BRCA2: variants seen among roughly 807,000 people sequenced by gnomAD.
BRCA2 encodes the protein breast cancer type 2 susceptibility protein.
In BRCA2, 203 loss-of-function variants were observed where a neutral mutation model predicts 276.7. The observed-to-expected ratio is 0.73, with a 90% CI of 0.65 to 0.82. The LOEUF (loss-of-function observed/expected upper bound fraction) is 0.82. BRCA2 is among the 40% of genes least tolerant of loss of function. The pLI, the probability that BRCA2 is intolerant of heterozygous loss-of-function variation, is 0.00. For missense variants in BRCA2, 3,920 were observed against 3,915.0 expected (o/e 1.00, Z -0.03); for synonymous variants, 1,289 against 1,338.4 (o/e 0.96, Z 0.81).
In BRCA2 at chr13:32,333,363, CTTACATT is replaced by C. The variant is rs1555282146; in HGVS notation, c.1887_1893del (p.Thr630GlnfsTer12). ...TGAAGCAAATGCTTTTGAAGCACCA[CTTACATT>C]TGCAAATGCTGATTCAGGTACCTCT... is the stretch of plus-strand genomic sequence containing the variant. On this transcript the variant is annotated frameshift_variant, in exon 10 of 27. Transcript: ENST00000380152. LOFTEE classifies it high-confidence loss of function. 6.2e-7 allele frequency: 1 copy of C among 1,608,970 alleles called. No homozygotes were observed. The highest frequency in any genetic ancestry group is 1.3e-5 in the African/African-American group (1 of 74,610).
intron 15 of BRCA2, 101 bp downstream of exon 15, chr13:32,356,710 T>C (rs1473520002): frequency 6.0e-6 from 8 of 1,334,180 alleles, no homozygotes; most frequent in African/African-American, 5.8e-5. Flanking sequence ...ATGAACACAT[T>C]AGTGCAGGAA....
Position 32,398,673 on chromosome 13 carries a change from C to T in BRCA2, c.10160C>T (p.Thr3387Ile), listed in dbSNP as rs863224584. ...EDYLRLKRRC[T>I]TSLIKEQESS... ...TATCTCAGACTGAAACGACGTTGTA[C>T]TACATCTCTGATCAAAGAACAGGAG... The change falls in exon 27 of 27, where the codon ACT (threonine) becomes ATT (isoleucine). Residue 3387 changes from threonine to isoleucine, a missense_variant. Physicochemically the swap from Thr to Ile is moderately conservative, Grantham distance 89. Around this residue, in one of 2 missense-constraint regions of BRCA2, gnomAD observed 657 missense variants for 758.2 expected, o/e 0.87. Coordinates refer to ENST00000380152, the MANE Select transcript of BRCA2 (RefSeq NM_000059.4). 1 of 1,614,174 alleles carries T rather than the reference C, an allele frequency of 6.2e-7. No homozygotes were observed. Among genetic ancestry groups the T allele is most frequent in the African/African-American group, 1.3e-5 (1 of 75,054 alleles).
intron 20 of BRCA2, among the ~76,000 whole-genome samples, chr13:32,373,390 C>T (rs2072848541): frequency 6.6e-6 from 1 of 151,778 alleles, no homozygotes; most frequent in African/African-American, 2.4e-5. Flanking sequence ...TCTGTAATCC[C>T]AGCTATTCCA....
chr13:32,318,787 A>G (rs910016151), intron 2 of BRCA2, among the ~76,000 whole-genome samples: 3 of 152,198 alleles, frequency 2.0e-5, no homozygotes, highest in Non-Finnish European at 4.4e-5. Context: ...TTGATTCCGA[A>G]CCATGAATAA....
chr13:32,343,405 T>C (rs1449400286), intron 11 of BRCA2, among the ~76,000 whole-genome samples: 3 of 152,182 alleles, frequency 2.0e-5, no homozygotes, highest in Non-Finnish European at 2.9e-5. Flanking sequence ...CTAGACCCCA[T>C]GTATTACAGA....
chr13:32,349,865 C>T (rs1456507045), intron 13 of BRCA2, among the ~76,000 whole-genome samples: 1 of 149,134 alleles, frequency 6.7e-6, no homozygotes. Context: ...AGCTGGGCAA[C>T]TGTCTCCTGC....
In BRCA2 at chr13:32,338,490, C is replaced by G. The variant is rs2072497088; in HGVS notation, c.4135C>G (p.Gln1379Glu). The G allele has an allele frequency of 6.2e-7, 1 of 1,610,104 alleles. No homozygotes were observed. The highest frequency in any genetic ancestry group is 8.5e-7 in the Non-Finnish European group (1 of 1,178,908). The change falls in exon 11 of 27, where the codon CAG becomes GAG. Residue 1379 changes from glutamine to glutamate, a missense_variant. Coordinates refer to ENST00000380152, the MANE Select transcript of BRCA2 (RefSeq NM_000059.4). ...CCAGTTTATGAAGGAGGGAAACACT[C>G]AGATTAAAGAAGATTTGTCAGATTT... ...SGQFMKEGNT[Q>E]IKEDLSDLTF...
At chr13:32,378,737 G>C (rs776902705) in intron 21 of BRCA2, among the ~76,000 whole-genome samples, 1 of 152,178 alleles carries the variant, frequency 6.6e-6, no homozygotes, top group Non-Finnish European at 1.5e-5. Context: ...AGAGGTACAA[G>C]TAGAAATTTG....
intron 20 of BRCA2, among the ~76,000 whole-genome samples, chr13:32,371,689 CATAA>C (rs1202372916): frequency 6.6e-6 from 1 of 151,962 alleles, no homozygotes; most frequent in Admixed American, 6.6e-5. Context: ...ATACTATTTT[CATAA>C]ATAAATGAAT....
In BRCA2 at chr13:32,399,696, A is replaced by G. The variant is rs562124756; in HGVS notation, c.*926A>G. On this transcript the variant is annotated 3_prime_UTR_variant, in exon 27 of 27. Transcript: ENST00000380152. ...TTCTGCCTGCTTTATTTTTAGCGCT[A>G]TCACAGGACCCAGAGCCTATGCCCT... 4 of 172,450 alleles carry G rather than the reference A, an allele frequency of 2.3e-5. No homozygotes were observed. The highest frequency in any genetic ancestry group is 1.0e-4 in the East Asian group (1 of 9,702). 10.7% of individuals were successfully genotyped at this position (172,450 alleles called of 1,614,324 possible). A position where few individuals can be genotyped will look rare whatever the true frequency, so the allele number is the denominator to read the frequency against.
rs781732299 is a variant in BRCA2 at position 32,340,306 on chromosome 13, A to G, written c.5951A>G (p.Lys1984Arg). 6.2e-7 allele frequency: 1 copy of G among 1,614,014 alleles called. No individual in the cohort carries two copies. The highest frequency in any genetic ancestry group is 2.2e-5 in the East Asian group (1 of 44,844). The change falls in exon 11 of 27, where the codon AAA becomes AGA. Residue 1984 changes from lysine to arginine, a missense_variant. Coordinates refer to ENST00000380152, the MANE Select transcript of BRCA2 (RefSeq NM_000059.4). Reference sequence around the variant, plus strand: ...GGGATTTTTAGCACAGCAAGTGGAAAATCTGTCCAGGTATCAGATGCTTCA... The same window carrying G: ...GGGATTTTTAGCACAGCAAGTGGAAGATCTGTCCAGGTATCAGATGCTTCA... The part of the protein sequence containing the change: ...TCGIFSTASG[K>R]SVQVSDASLQ...
At chr13:32,341,321 C>G (rs752907789) in intron 11 of BRCA2, 125 bp downstream of exon 11, 15 of 1,362,050 alleles carry the variant, frequency 1.1e-5, no homozygotes, top group Non-Finnish European at 1.5e-5. Context: ...TTTGTGTAGT[C>G]AGTTTGGGGG....
chr13:32,337,952 CTG>C lies in BRCA2; in HGVS notation c.3599_3600del (p.Cys1200Ter), dbSNP rs80359391. On this transcript the variant is annotated frameshift_variant, in exon 11 of 27. Coordinates refer to ENST00000380152, the MANE Select transcript of BRCA2 (RefSeq NM_000059.4). LOFTEE classifies it high-confidence loss of function. ...AGTTTGCTGGCCTGTTGAAAAATGACTGTAACAAAAGTGCTTCTGGTTATTTA... is the reference window on the plus strand; with the variant it reads ...AGTTTGCTGGCCTGTTGAAAAATGACTAACAAAAGTGCTTCTGGTTATTTA... ...RKFAGLLKND[C>X]NKSASGYLTD... The C allele has an allele frequency of 1.4e-5, 23 of 1,613,994 alleles. No individual in the cohort carries two copies. The highest frequency in any genetic ancestry group is 1.6e-4 in the Middle Eastern group (1 of 6,062).
Position 32,329,497 on chromosome 13 carries a change from G to C in BRCA2, c.681+5G>C, listed in dbSNP as rs1555281364. The C allele has an allele frequency of 6.3e-7, 1 of 1,588,744 alleles. No homozygotes were observed. Among genetic ancestry groups the C allele is most frequent in the Non-Finnish European group, 8.6e-7 (1 of 1,159,260 alleles). On this transcript the variant is annotated splice_donor_5th_base_variant and intron_variant, in intron 8 of 26. Coordinates refer to ENST00000380152, the MANE Select transcript of BRCA2 (RefSeq NM_000059.4). The stretch of plus-strand genomic sequence containing the variant: ...TTTCCTCATGATACTACTGCTGTAA[G>C]TAAATATGACATTGATTAGACTGTT...
chr13:32,328,494 A>G (rs530701104), intron 7 of BRCA2, among the ~76,000 whole-genome samples: 1 of 152,070 alleles, frequency 6.6e-6, no homozygotes, highest in Non-Finnish European at 1.5e-5. Context: ...CGTTTGTCTC[A>G]GCCACATTTT....
rs9595456 is a variant in BRCA2 at position 32,394,606 on chromosome 13, G to A, written c.9257-83G>A. On this transcript the variant is annotated intron_variant, in intron 24 of 26. Coordinates refer to ENST00000380152, the MANE Select transcript of BRCA2 (RefSeq NM_000059.4). ...TATTAGCATATACCAAAATAAATAGGCATATTAGAGTTTCCTTTCTTGCAT... is the reference window on the plus strand; with the variant it reads ...TATTAGCATATACCAAAATAAATAGACATATTAGAGTTTCCTTTCTTGCAT... 16,045 of 1,473,682 alleles carry A rather than the reference G, an allele frequency of 0.011. 757 individuals are homozygous for A. The African/African-American group carries it at 0.13, about 11-fold the overall frequency. 91.3% of individuals were successfully genotyped at this position (1,473,682 alleles called of 1,614,324 possible). A position where few individuals can be genotyped will look rare whatever the true frequency, so the allele number is the denominator to read the frequency against.
rs773973434 is a variant in BRCA2 at position 32,339,404 on chromosome 13, G to T, written c.5049G>T (p.Gln1683His). Residue 1683 changes from glutamine to histidine, a missense_variant, in exon 11 of 27, where the codon CAG becomes CAT. This residue lies in a region of BRCA2 where 3,263 missense variants were observed against 3,156.9 expected (regional missense o/e 1.03). Transcript: ENST00000380152. ...TSCSRKTSVSQTSLLEAKKWL... is the reference protein window; with the variant it reads ...TSCSRKTSVSHTSLLEAKKWL... ...GTAGTAGAAAAACTTCTGTGAGTCA[G>T]ACTTCATTACTTGAAGCAAAAAAAT... 1 of 1,595,932 alleles carries T rather than the reference G, an allele frequency of 6.3e-7. No individual in the cohort carries two copies. Among genetic ancestry groups the T allele is most frequent in the South Asian group, 1.1e-5 (1 of 87,118 alleles).
chr13:32,333,103 T>C lies in BRCA2; in HGVS notation c.1625T>C (p.Ile542Thr), dbSNP rs397507273. The C allele has an allele frequency of 3.7e-6, 6 of 1,613,872 alleles. No homozygotes were observed. Among genetic ancestry groups the C allele is most frequent in the East Asian group, 2.2e-5 (1 of 44,876 alleles). ...ETEASESGLE[I>T]HTVCSQKEDS... ...GAAGCCTCTGAAAGTGGACTGGAAA[T>C]ACATACTGTTTGCTCACAGAAGGAG... Residue 542 changes from isoleucine (I) to threonine (T), a missense_variant, in exon 10 of 27, where the codon ATA becomes ACA. Physicochemically the swap from Ile to Thr is moderately conservative, Grantham distance 89 (BLOSUM62 -1). Transcript: ENST00000380152.
Position 32,370,462 on chromosome 13 carries a change from C to T in BRCA2, c.8392C>T (p.Pro2798Ser), listed in dbSNP as rs750640009. Residue 2798 changes from proline (P) to serine (S), a missense_variant, in exon 19 of 27, where the codon CCT (proline) becomes TCT (serine). Physicochemically the swap from Pro to Ser is moderately conservative, Grantham distance 74. Around this residue, in one of 2 missense-constraint regions of BRCA2, gnomAD observed 657 missense variants for 758.2 expected, o/e 0.87. Coordinates refer to ENST00000380152, the MANE Select transcript of BRCA2 (RefSeq NM_000059.4). Reference protein sequence around the residue: ...WYTKLGFFPDPRPFPLPLSSL... With the variant: ...WYTKLGFFPDSRPFPLPLSSL... ...TACCAAACTTGGATTCTTTCCTGAC[C>T]CTAGACCTTTTCCTCTGCCCTTATC... 1.2e-6 allele frequency: 2 copies of T among 1,613,868 alleles called. No homozygotes were observed. Among genetic ancestry groups the T allele is most frequent in the South Asian group, 2.2e-5 (2 of 91,060 alleles).
Sources: gnomAD v4.1 joint callset for allele counts (sites outside exome capture counted in the v4.1 genomes callset) on GRCh38, gnomAD v4.1.1 for gene constraint, gnomAD v4.1.1 regional missense constraint, MANE v1.5 for transcripts, NCBI Gene and HGNC (gene_info 2026-07-23, HGNC 2026-07-21) for gene names.